Variants in ARHGEF10 observed in about 807,000 individuals in gnomAD.
ARHGEF10 encodes the protein Rho guanine nucleotide exchange factor (GEF) 10.
Under a neutral mutation model 147.4 loss-of-function variants are expected in ARHGEF10, and 140 were observed. The observed-to-expected ratio is 0.95, with a 90% CI of 0.83 to 1.09. The LOEUF (loss-of-function observed/expected upper bound fraction) is 1.09. Ranked by LOEUF, ARHGEF10 falls within the 50% of genes least tolerant of loss-of-function variation. The probability of loss-of-function intolerance (pLI) is 0.00; values close to 1 mark genes in which losing one functional copy is unlikely to be tolerated. For missense variants in ARHGEF10, 2,222 were observed against 1,752.7 expected (o/e 1.27, Z -4.78); for synonymous variants, 902 against 695.8 (o/e 1.30, Z -4.67).
intron 7 of ARHGEF10, chr8:1,869,730 C>T (rs532032931): frequency 2.2e-5 from 5 of 231,668 alleles, no homozygotes; most frequent in Admixed American, 1.5e-4. Flanking sequence ...CAATGGAGGC[C>T]GCGGAGCACC....
intron 18 of ARHGEF10, among the ~76,000 whole-genome samples, chr8:1,915,047 C>T (rs1811652522): frequency 6.6e-6 from 1 of 152,164 alleles, no homozygotes; most frequent in Non-Finnish European, 1.5e-5. Flanking sequence ...AGCTGCTGAC[C>T]TCCTGCCACC....
intron 15 of ARHGEF10, among the ~76,000 whole-genome samples, chr8:1,902,508 T>C (rs766609602): frequency 7.9e-5 from 12 of 152,132 alleles, no homozygotes; most frequent in Non-Finnish European, 1.6e-4. Context: ...TCCCTTTTTT[T>C]AAAGACTACT....
In ARHGEF10 at chr8:1,928,567, G is replaced by A. The variant is rs768339597; in HGVS notation, c.2838G>A (p.Glu946=). The stretch of plus-strand genomic sequence containing the variant: ...TTCCCGTCGAGGAGAAGCGCAGAGA[G>A]CCTGGGGCACCCCCGGACCCCGAGA... ...LYVPVEEKRR[E]PGAPPDPETP... The change falls in exon 24 of 29, where the codon GAG becomes GAA. Residue 946 remains glutamate (E), a synonymous_variant. Coordinates refer to ENST00000349830, the MANE Select transcript of ARHGEF10 (RefSeq NM_014629.4). The A allele has an allele frequency of 2.5e-6, 4 of 1,614,232 alleles. No individual in the cohort carries two copies. The highest frequency in any genetic ancestry group is 3.4e-6 in the Non-Finnish European group (4 of 1,180,046).
At chr8:1,843,516 T>C in intron 2 of ARHGEF10, 80 bp downstream of exon 2, 2 of 1,098,382 alleles carry the variant, frequency 1.8e-6, no homozygotes, top group Admixed American at 1.9e-5. Flanking sequence ...CTGGAACCAC[T>C]GAATTGCTGG....
rs570825106 is a variant in ARHGEF10, at chr8:1,917,035, C to T, written c.2144-5929C>T. Among the ~76,000 whole-genome samples the T allele has an allele frequency of 4.6e-5, 7 of 152,354 alleles. No individual in the cohort carries two copies. In the South Asian group the frequency reaches 1.5e-3, roughly 32 times the overall value. On this transcript the variant is annotated intron_variant, in intron 18 of 28. Transcript: ENST00000349830. ...TCATTTAAACTGACTACAGGACGTTCCTCATGATTGAAACTGAGTTTATTG... is the reference window on the plus strand; with the variant it reads ...TCATTTAAACTGACTACAGGACGTTTCTCATGATTGAAACTGAGTTTATTG...
At chr8:1,836,588 C>A (rs904402712) in intron 1 of ARHGEF10, among the ~76,000 whole-genome samples, 1 of 152,144 alleles carries the variant, frequency 6.6e-6, no homozygotes, top group Admixed American at 6.5e-5. Flanking sequence ...ACAGATACTT[C>A]TCACAGCAGG....
At chr8:1,901,123 G>C (rs1344403173) in intron 15 of ARHGEF10, among the ~76,000 whole-genome samples, 1 of 152,112 alleles carries the variant, frequency 6.6e-6, no homozygotes, top group Admixed American at 6.5e-5. Context: ...GGATGTGCCT[G>C]AGGGGCCCTA....
chr8:1,845,021 C>T (rs1211250003), intron 2 of ARHGEF10, among the ~76,000 whole-genome samples: 3 of 152,252 alleles, frequency 2.0e-5, no homozygotes, highest in East Asian at 1.9e-4. Context: ...TGCCTGTAGT[C>T]CCAGCTACTC....
At chr8:1,934,354 CAAAAAA>C (rs36102342) in intron 26 of ARHGEF10, among the ~76,000 whole-genome samples, 2 of 117,424 alleles carry the variant, frequency 1.7e-5, no homozygotes, top group African/African-American at 3.3e-5. Context: ...ACCCTGTCTC[CAAAAAA>C]AAAAAAAAAA....
chr8:1,955,325 A>G (rs1271307508), intron 28 of ARHGEF10, among the ~76,000 whole-genome samples: 44 of 148,866 alleles, frequency 3.0e-4, no homozygotes, highest in African/African-American at 1.0e-3. Context: ...GTGCTCCCTA[A>G]AAGGAGGTGC....
At chr8:1,860,261 G>A in intron 4 of ARHGEF10, 77 bp downstream of exon 4, 1 of 1,499,812 alleles carries the variant, frequency 6.7e-7, no homozygotes. Flanking sequence ...GTGGCCTGTG[G>A]TTCCCTCCTC....
intron 1 of ARHGEF10, among the ~76,000 whole-genome samples, chr8:1,837,253 C>A (rs979310213): frequency 1.3e-5 from 2 of 151,052 alleles, no homozygotes; most frequent in African/African-American, 4.9e-5. Context: ...CTGTGCGGAG[C>A]CGCAGGACGG....
At chr8:1,955,238 C>T (rs1465752270) in intron 28 of ARHGEF10, among the ~76,000 whole-genome samples, 2 of 150,178 alleles carry the variant, frequency 1.3e-5, no homozygotes, top group South Asian at 2.1e-4. Flanking sequence ...GGTGCACTCT[C>T]ACTGTTCCTC....
intron 10 of ARHGEF10, among the ~76,000 whole-genome samples, chr8:1,884,047 C>A (rs1808437253): frequency 6.6e-6 from 1 of 152,142 alleles, no homozygotes. Context: ...TGCTTTGTCT[C>A]TGGTTTAGGG....
chr8:1,953,008 T>C (rs1167551976), intron 28 of ARHGEF10, among the ~76,000 whole-genome samples, 181 bp downstream of exon 28: 1 of 152,280 alleles, frequency 6.6e-6, no homozygotes, highest in Admixed American at 6.5e-5. Flanking sequence ...TATATATTTT[T>C]CCATTTTTTA....
chr8:1,909,416 C>T lies in ARHGEF10; in HGVS notation c.2089C>T (p.His697Tyr). The change falls in exon 18 of 29, where the codon CAC becomes TAC. Residue 697 changes from histidine to tyrosine, a missense_variant. Transcript: ENST00000349830. ...CGCAGGCACGGGCGAGCACAGCAGGCACCTTGCCGTTCACCCGCCGGAGAG... is the reference window on the plus strand; with the variant it reads ...CGCAGGCACGGGCGAGCACAGCAGGTACCTTGCCGTTCACCCGCCGGAGAG... ...SSAGTGEHSRHLAVHPPESLA... is the reference protein window; with the variant it reads ...SSAGTGEHSRYLAVHPPESLA... 3 of 1,614,150 alleles carry T rather than the reference C, an allele frequency of 1.9e-6. No homozygotes were observed. Among genetic ancestry groups the T allele is most frequent in the Non-Finnish European group, 1.7e-6 (2 of 1,180,044 alleles).
At chr8:1,844,203 G>T (rs1003695473) in intron 2 of ARHGEF10, among the ~76,000 whole-genome samples, 1 of 152,180 alleles carries the variant, frequency 6.6e-6, no homozygotes, top group East Asian at 1.9e-4. Context: ...GGCACTGTGG[G>T]TGTGGGTCTT....
chr8:1,830,602 C>T lies in ARHGEF10; in HGVS notation c.-48+6489C>T, dbSNP rs61043846. On this transcript the variant is annotated intron_variant, in intron 1 of 28. Coordinates refer to ENST00000349830, the MANE Select transcript of ARHGEF10 (RefSeq NM_014629.4). ...GACAGGTGTTTCATGAATACCGCTG[C>T]GTGCTAAGTACTAAGTGCTCTCACG... Among the ~76,000 whole-genome samples, 633 of 152,328 alleles carry T rather than the reference C, an allele frequency of 4.2e-3. 5 individuals carry two copies. Among genetic ancestry groups the T allele is most frequent in the African/African-American group, 0.015 (609 of 41,570 alleles).
chr8:1,899,319 A>G (rs1366826463), intron 15 of ARHGEF10, among the ~76,000 whole-genome samples: 1 of 152,222 alleles, frequency 6.6e-6, no homozygotes, highest in Non-Finnish European at 1.5e-5. Flanking sequence ...AGGAGAGTCT[A>G]TGCTGGTTTC....
Sources: gnomAD v4.1 joint callset for allele counts (sites outside exome capture counted in the v4.1 genomes callset) on GRCh38, gnomAD v4.1.1 for gene constraint, MANE v1.5 for transcripts, NCBI Gene and HGNC (gene_info 2026-07-23, HGNC 2026-07-21) for gene names.